Variants in IMMP2L observed in about 807,000 individuals in gnomAD.
The protein encoded by IMMP2L is inner mitochondrial membrane peptidase subunit 2.
In IMMP2L, 18 loss-of-function variants were observed where a neutral mutation model predicts 19.3. The observed-to-expected ratio is 0.93, with a 90% CI of 0.64 to 1.38. IMMP2L has a LOEUF of 1.38. IMMP2L is among the 40% of genes most tolerant of loss of function. The pLI is 0.00. For synonymous variants in IMMP2L, 76 were observed against 73.0 expected (o/e 1.04, Z -0.21); for missense variants, 233 against 218.2 (o/e 1.07, Z -0.43).
At chr7:110,846,690 T>C (rs1215680011) in intron 5 of IMMP2L, among the ~76,000 whole-genome samples, 1 of 152,058 alleles carries the variant, frequency 6.6e-6, no homozygotes, top group African/African-American at 2.4e-5. Flanking sequence ...TAATTCAACC[T>C]TGAATGCTTC....
At chr7:111,254,372 A>T (rs1816476208) in intron 3 of IMMP2L, among the ~76,000 whole-genome samples, 1 of 152,128 alleles carries the variant, frequency 6.6e-6, no homozygotes, top group Admixed American at 6.6e-5. Flanking sequence ...AAAGTTTACA[A>T]ATATGAGCAA....
chr7:111,144,617 A>G (rs1803272662), intron 3 of IMMP2L, among the ~76,000 whole-genome samples: 1 of 152,104 alleles, frequency 6.6e-6, no homozygotes, highest in African/African-American at 2.4e-5. Context: ...TTGCTGAGTT[A>G]AAACATATTA....
chr7:111,192,958 A>G (rs1441561695), intron 3 of IMMP2L, among the ~76,000 whole-genome samples: 1 of 152,042 alleles, frequency 6.6e-6, no homozygotes, highest in Non-Finnish European at 1.5e-5. Flanking sequence ...GGAGAGTTTG[A>G]GTTGGGCAAT....
In IMMP2L at chr7:110,791,146, A is replaced by C. The variant is rs529324169; in HGVS notation, c.408+95447T>G. Reference sequence around the variant, plus strand: ...CTAAACACCACCACTCAAGTAAAGAATGAAGTACTTGCATGCCTTTCTCCC... The same window carrying C: ...CTAAACACCACCACTCAAGTAAAGACTGAAGTACTTGCATGCCTTTCTCCC... On this transcript the variant is annotated intron_variant, in intron 5 of 5. Coordinates refer to ENST00000405709, the MANE Select transcript of IMMP2L (RefSeq NM_032549.4). Among the ~76,000 whole-genome samples, 12 of 151,938 alleles carry C rather than the reference A, an allele frequency of 7.9e-5. No individual in the cohort carries two copies. In the South Asian group the frequency reaches 2.5e-3, roughly 31 times the overall value.
chr7:111,557,227 C>T (rs1791470517), intron 1 of IMMP2L, among the ~76,000 whole-genome samples: 1 of 152,004 alleles, frequency 6.6e-6, no homozygotes, highest in Non-Finnish European at 1.5e-5. Flanking sequence ...CCACACCCAA[C>T]CCCACTCTAC....
chr7:110,704,524 C>T (rs546962120), intron 5 of IMMP2L, among the ~76,000 whole-genome samples: 1 of 152,304 alleles, frequency 6.6e-6, no homozygotes, highest in South Asian at 2.1e-4. Context: ...AGGAGAAGCA[C>T]TTCTGTGGCA....
intron 4 of IMMP2L, among the ~76,000 whole-genome samples, chr7:110,920,019 A>G (rs1300877950): frequency 6.6e-6 from 1 of 152,188 alleles, no homozygotes. Flanking sequence ...ATCAGACTCC[A>G]AGTTCTTCAG....
At chr7:110,922,864 TC>T (rs1156635397) in intron 4 of IMMP2L, among the ~76,000 whole-genome samples, 20 of 152,178 alleles carry the variant, frequency 1.3e-4, no homozygotes, top group Admixed American at 1.3e-3. Context: ...GTCAAGACCT[TC>T]ATTTGATGTG....
intron 3 of IMMP2L, among the ~76,000 whole-genome samples, chr7:111,350,241 T>C (rs1026431578): frequency 2.0e-4 from 30 of 151,882 alleles, no homozygotes; most frequent in African/African-American, 7.2e-4. Context: ...GCTGGGATTA[T>C]AGGCGTGAGC....
chr7:111,518,609 A>T (rs898881168), intron 2 of IMMP2L, among the ~76,000 whole-genome samples: 19 of 152,156 alleles, frequency 1.2e-4, no homozygotes, highest in African/African-American at 4.6e-4. Flanking sequence ...ACCCCATGAC[A>T]TAAACGTGTT....
intron 3 of IMMP2L, among the ~76,000 whole-genome samples, chr7:110,969,167 C>T (rs776571434): frequency 1.3e-4 from 19 of 151,928 alleles, no homozygotes; most frequent in South Asian, 4.2e-4. Context: ...AAGATAAAAA[C>T]GAATAATTTT....
intron 3 of IMMP2L, among the ~76,000 whole-genome samples, chr7:110,988,296 T>A (rs950578492): frequency 2.0e-5 from 3 of 152,202 alleles, no homozygotes; most frequent in African/African-American, 4.8e-5. Flanking sequence ...TCTTCCATCA[T>A]CAACACACAG....
chr7:110,763,658 C>T (rs1798483849), intron 5 of IMMP2L, among the ~76,000 whole-genome samples: 1 of 152,088 alleles, frequency 6.6e-6, no homozygotes, highest in South Asian at 2.1e-4. Context: ...CATAATTTGC[C>T]TGCCAAGTTC....
intron 5 of IMMP2L, among the ~76,000 whole-genome samples, chr7:110,771,617 T>A (rs1394692850): frequency 6.6e-6 from 1 of 152,184 alleles, no homozygotes; most frequent in Non-Finnish European, 1.5e-5. Context: ...TGAGCTAGAA[T>A]ATGTTCACAC....
intron 5 of IMMP2L, among the ~76,000 whole-genome samples, chr7:110,696,357 A>T (rs140137229): frequency 9.8e-4 from 149 of 151,968 alleles, no homozygotes; most frequent in African/African-American, 3.5e-3. Flanking sequence ...CAGGGAGAGC[A>T]CTTAGAAATA....
chr7:111,418,091 A>G (rs1835121811), intron 3 of IMMP2L, among the ~76,000 whole-genome samples: 1 of 151,900 alleles, frequency 6.6e-6, no homozygotes, highest in Non-Finnish European at 1.5e-5. Flanking sequence ...AGATGTGGAA[A>G]AGGTAGTTTA....
At chr7:111,499,492 G>A (rs1477821749) in intron 2 of IMMP2L, among the ~76,000 whole-genome samples, 1 of 152,118 alleles carries the variant, frequency 6.6e-6, no homozygotes, top group South Asian at 2.1e-4. Context: ...CAGTATGGAA[G>A]AGGACTCTAG....
At chr7:110,759,581 T>C (rs1172892930) in intron 5 of IMMP2L, among the ~76,000 whole-genome samples, 1 of 152,116 alleles carries the variant, frequency 6.6e-6, no homozygotes, top group Non-Finnish European at 1.5e-5. Context: ...AAAATGGCTA[T>C]GGTAAAAAGA....
chr7:111,007,380 A>G (rs1382102087), intron 3 of IMMP2L, among the ~76,000 whole-genome samples: 3 of 152,022 alleles, frequency 2.0e-5, no homozygotes, highest in African/African-American at 7.3e-5. Context: ...CTACCATTCC[A>G]TCAGAATTGC....
Sources: allele counts gnomAD v4.1 joint callset (sites outside exome capture counted in the v4.1 genomes callset), GRCh38; gene constraint gnomAD v4.1.1; transcripts MANE v1.5; gene names NCBI Gene and HGNC (gene_info 2026-07-23, HGNC 2026-07-21).